Variants in ANKRD16 observed in about 807,000 individuals in gnomAD.
ANKRD16 encodes the protein ankyrin repeat domain-containing protein 16.
A neutral mutation model predicts 37.9 loss-of-function variants in ANKRD16; 35 were observed. The ratio of observed to expected loss-of-function variants is 0.92; its 90% confidence interval spans 0.71 to 1.23. The LOEUF is 1.23. Among genes scored for constraint, ANKRD16 ranks in the 50% most tolerant of loss-of-function variants. The pLI is 0.00. For synonymous variants in ANKRD16, 206 were observed against 197.2 expected (o/e 1.04, Z -0.37); for missense variants, 480 against 469.9 (o/e 1.02, Z -0.20).
chr10:5,889,006 A>G (rs749982735), intron 1 of ANKRD16, 35 bp downstream of exon 1: 64 of 1,484,832 alleles, frequency 4.3e-5, no homozygotes, highest in African/African-American at 5.7e-5. Flanking sequence ...CTGCGAGTAG[A>G]GGGGAGGCGG....
intron 5 of ANKRD16, among the ~76,000 whole-genome samples, chr10:5,881,688 GAT>G (rs1491124260): frequency 1.5e-5 from 1 of 68,286 alleles, no homozygotes; most frequent in Non-Finnish European, 2.6e-5. Flanking sequence ...GGATGGTCTT[GAT>G]TTTTTTTTTT....
chr10:5,867,550 A>G (rs1426709107), intron 7 of ANKRD16, among the ~76,000 whole-genome samples: 4 of 152,210 alleles, frequency 2.6e-5, no homozygotes, highest in Non-Finnish European at 4.4e-5. Flanking sequence ...TAAAATCCCA[A>G]ACTTATAAGG....
chr10:5,864,243 C>T lies in ANKRD16; in HGVS notation c.*34-1552G>A, dbSNP rs1417219694. Among the ~76,000 whole-genome samples the T allele has an allele frequency of 6.6e-6, 1 of 152,082 alleles. No individual in the cohort carries two copies. Among genetic ancestry groups the T allele is most frequent in the Non-Finnish European group, 1.5e-5 (1 of 68,036 alleles). ...TTCTCAGCTTACCCCCAGATCCTAG[C>T]CTCCCTATAGCCCCTTCCTATTAAT... is the stretch of plus-strand genomic sequence containing the variant. On this transcript the variant is annotated intron_variant, in intron 7 of 7. Coordinates refer to ENST00000380094, the MANE Select transcript of ANKRD16 (RefSeq NM_019046.3). This position sits in a 1 kb window ranked among gnomAD's most constrained non-coding sequence, Gnocchi z 4.4.
intron 5 of ANKRD16, chr10:5,881,182 T>A: frequency 1.6e-6 from 1 of 613,862 alleles, no homozygotes; most frequent in Non-Finnish European, 2.0e-6. Context: ...GACATTTAAT[T>A]ATTAGAATAT....
rs1842067751 is a variant in ANKRD16 at position 5,870,312 on chromosome 10, TG to T, written c.*34-7622del. Among the ~76,000 whole-genome samples the T allele has an allele frequency of 1.3e-5, 2 of 151,868 alleles. No homozygotes were observed. The highest frequency in any genetic ancestry group is 4.2e-4 in the South Asian group (2 of 4,816). ...AGGTCAGCTTCGCAGGGGCCCCCAG[TG>T]CACCCGCACAGTGAGGTCAGCGTTG... is the stretch of plus-strand genomic sequence containing the variant. On this transcript the variant is annotated intron_variant, in intron 7 of 7. Transcript: ENST00000380094. This position sits in a 1 kb window ranked among gnomAD's most constrained non-coding sequence, Gnocchi z 5.0.
rs55672822 is a variant in ANKRD16 at position 5,878,785 on chromosome 10, C to CAA, written c.929-500_929-499dup. On this transcript the variant is annotated intron_variant, in intron 6 of 7. Coordinates refer to ENST00000380094, the MANE Select transcript of ANKRD16 (RefSeq NM_019046.3). This position sits in a 1 kb window ranked among gnomAD's most constrained non-coding sequence, Gnocchi z 5.1. ...TGGGTGACAGAGCAAGACTCTGCCT[C>CAA]AAAAAAAAAAAAAAAAGAAAAAGAA... Among the ~76,000 whole-genome samples, 6 of 121,336 alleles carry CAA rather than the reference C, an allele frequency of 4.9e-5. No individual in the cohort carries two copies. Among genetic ancestry groups the CAA allele is most frequent in the Non-Finnish European group, 1.8e-5 (1 of 56,492 alleles). 79.6% of individuals were successfully genotyped at this position (121,336 alleles called of 152,430 possible). A position where few individuals can be genotyped will look rare whatever the true frequency, so the allele number is the denominator to read the frequency against.
Position 5,889,330 on chromosome 10 carries a change from G to A in ANKRD16, c.25C>T (p.Arg9Cys), listed in dbSNP as rs1049716724. The change falls in exon 1 of 8, where the codon CGC (arginine) becomes TGC (cysteine). Residue 9 changes from arginine (R) to cysteine (C), a missense_variant. Arg to Cys is a radical substitution (Grantham distance 180). Coordinates refer to ENST00000380094, the MANE Select transcript of ANKRD16 (RefSeq NM_019046.3). ...CCCTCCTGCACCAGCCTGCAGAGGC[G>A]CCGCGGGTCCCCGGGCTGGGCCATC... MAQPGDPR[R>C]LCRLVQEGRL... 6 of 1,260,634 alleles carry A rather than the reference G, an allele frequency of 4.8e-6. No homozygotes were observed. The highest frequency in any genetic ancestry group is 5.0e-6 in the Non-Finnish European group (5 of 1,006,158). 78.1% of individuals were successfully genotyped at this position (1,260,634 alleles called of 1,614,324 possible).
At chr10:5,884,193 G>A in intron 3 of ANKRD16, 116 bp from the exon 4 acceptor site, 1 of 710,198 alleles carries the variant, frequency 1.4e-6, no homozygotes, top group Non-Finnish European at 2.4e-6. Flanking sequence ...CTGTGAGCAT[G>A]GAGCTCTCTC....
rs1370363291 is a variant in ANKRD16 at position 5,862,362 on chromosome 10, T to G, written c.*363A>C. 2 of 441,876 alleles carry G rather than the reference T, an allele frequency of 4.5e-6. No homozygotes were observed. The highest frequency in any genetic ancestry group is 5.5e-5 in the Admixed American group (2 of 36,578). The allele number at this position is 441,876 out of a possible 1,614,324, so 27.4% of individuals were successfully genotyped here. On this transcript the variant is annotated 3_prime_UTR_variant, in exon 8 of 8. Transcript: ENST00000380094. The surrounding 1 kb of genome is among the most constrained non-coding windows in gnomAD (Gnocchi z 6.5). ...CGGTGGTTCCTGAGGGTTGTGACGA[T>G]CAGGGCAGAGGCAGAAGGCACCACC...
rs373806653 is a variant in ANKRD16, at chr10:5,887,927, A to T, written c.455T>A (p.Ile152Asn). 6.2e-7 allele frequency: 1 copy of T among 1,614,056 alleles called. No homozygotes were observed. Among genetic ancestry groups the T allele is most frequent in the African/African-American group, 1.3e-5 (1 of 74,916 alleles). Residue 152 changes from isoleucine (I) to asparagine (N), a missense_variant, in exon 2 of 8, where the codon ATC becomes AAC. By Grantham distance (149) the Ile-to-Asn change is moderately radical. Transcript: ENST00000380094. ...GCAAACAGTGAGCAGGTACTGGAGG[A>T]TCAGAGGGTCGCCTTCTCGACTGGC... Reference protein sequence around the residue: ...HIASREGDPLILQYLLTVCPG... With the variant: ...HIASREGDPLNLQYLLTVCPG...
Position 5,870,885 on chromosome 10 carries a change from C to T in ANKRD16, c.*33+7212G>A, listed in dbSNP as rs1235935973. 2.6e-5 allele frequency among the ~76,000 whole-genome samples: 4 copies of T among 152,090 alleles called. No homozygotes were observed. The highest frequency in any genetic ancestry group is 9.7e-5 in the African/African-American group (4 of 41,408). The stretch of plus-strand genomic sequence containing the variant: ...GCCAGAAGCTGCACAGAGCATGGGC[C>T]GATAAATGCATCCACTCCCCGTGCT... On this transcript the variant is annotated intron_variant, in intron 7 of 7. Coordinates refer to ENST00000380094, the MANE Select transcript of ANKRD16 (RefSeq NM_019046.3). The surrounding 1 kb of genome is among the most constrained non-coding windows in gnomAD (Gnocchi z 5.0).
In ANKRD16 at chr10:5,870,555, C is replaced by T. The variant is rs191711658; in HGVS notation, c.*33+7542G>A. Among the ~76,000 whole-genome samples, 6 of 152,266 alleles carry T rather than the reference C, an allele frequency of 3.9e-5. No individual in the cohort carries two copies. The East Asian group carries it at 5.8e-4, about 15-fold the overall frequency. On this transcript the variant is annotated intron_variant, in intron 7 of 7. Transcript: ENST00000380094. The surrounding 1 kb of genome is among the most constrained non-coding windows in gnomAD (Gnocchi z 5.0). ...GGTAGCTGGGACTACAGGCACACCACGCCCAGCTAATTTTTTGTATTTTTT... is the reference window on the plus strand; with the variant it reads ...GGTAGCTGGGACTACAGGCACACCATGCCCAGCTAATTTTTTGTATTTTTT...
rs1234548900 is a variant in ANKRD16 at position 5,862,982 on chromosome 10, A to AAG, written c.*34-292_*34-291insCT. Reference sequence around the variant, plus strand: ...GTTTGCCTGGAAAAGTCCCCATCTTAGTGAATTCTGACTTTCCACCTACTG... The same window carrying AAG: ...GTTTGCCTGGAAAAGTCCCCATCTTAAGGTGAATTCTGACTTTCCACCTACTG... On this transcript the variant is annotated intron_variant, in intron 7 of 7. Coordinates refer to ENST00000380094, the MANE Select transcript of ANKRD16 (RefSeq NM_019046.3). This position sits in a 1 kb window ranked among gnomAD's most constrained non-coding sequence, Gnocchi z 6.5. Among the ~76,000 whole-genome samples the AAG allele has an allele frequency of 1.3e-5, 2 of 152,134 alleles. No homozygotes were observed. The highest frequency in any genetic ancestry group is 4.8e-5 in the African/African-American group (2 of 41,400).
intron 5 of ANKRD16, among the ~76,000 whole-genome samples, chr10:5,881,438 T>TTATAAATA (rs1422263395): frequency 0.012 from 607 of 50,942 alleles, 39 homozygotes; most frequent in South Asian, 0.033. Flanking sequence ...AAAATATTAT[T>TTATAAATA]TATATATATA....
In ANKRD16 at chr10:5,882,987, G is replaced by T. The variant is rs559457916; in HGVS notation, c.849+19C>A. ...CAAGCCTCAGGGAAGCTCGGACAACGTTATAAGAAGTAACAAACCTTAGCT... is the reference window on the plus strand; with the variant it reads ...CAAGCCTCAGGGAAGCTCGGACAACTTTATAAGAAGTAACAAACCTTAGCT... On this transcript the variant is annotated intron_variant, in intron 5 of 7. Coordinates refer to ENST00000380094, the MANE Select transcript of ANKRD16 (RefSeq NM_019046.3). The T allele has an allele frequency of 6.2e-7, 1 of 1,610,410 alleles. No individual in the cohort carries two copies.
Position 5,878,142 on chromosome 10 carries a change from G to A in ANKRD16, c.1074C>T (p.Ser358=), listed in dbSNP as rs766038200. The A allele has an allele frequency of 1.2e-5, 20 of 1,613,816 alleles. No individual in the cohort carries two copies. Among genetic ancestry groups the A allele is most frequent in the Middle Eastern group, 1.6e-4 (1 of 6,084 alleles). The change falls in exon 7 of 8, where the codon AGC becomes AGT. Residue 358 remains serine (S), a synonymous_variant. Transcript: ENST00000380094. This position sits in a 1 kb window ranked among gnomAD's most constrained non-coding sequence, Gnocchi z 5.1. Reference sequence around the variant, plus strand: ...CTTGGAAACATCCTTATGTCATTGCGCTATGGCCAGAGCCCTGAAGGACAT... The same window carrying A: ...CTTGGAAACATCCTTATGTCATTGCACTATGGCCAGAGCCCTGAAGGACAT... ...RADVLQGSGH[S]AMT
chr10:5,874,770 TA>T lies in ANKRD16; in HGVS notation c.*33+3326del, dbSNP rs1842159357. ...AAGGGCTAGAGAGAGATCTGAGTGT[TA>T]CTGACATTAGGGTGTAGCTGAAACC... is the stretch of plus-strand genomic sequence containing the variant. On this transcript the variant is annotated intron_variant, in intron 7 of 7. Coordinates refer to ENST00000380094, the MANE Select transcript of ANKRD16 (RefSeq NM_019046.3). The surrounding 1 kb of genome is among the most constrained non-coding windows in gnomAD (Gnocchi z 4.7). Among the ~76,000 whole-genome samples the T allele has an allele frequency of 6.6e-6, 1 of 152,124 alleles. No individual in the cohort carries two copies. The highest frequency in any genetic ancestry group is 6.5e-5 in the Admixed American group (1 of 15,276).
chr10:5,880,175 T>TAAAAAAAAAAAAAAA (rs56264154), intron 6 of ANKRD16, 123 bp downstream of exon 6: 1 of 107,680 alleles, frequency 9.3e-6, no homozygotes, highest in Non-Finnish European at 1.5e-5. Flanking sequence ...CCACCACCAC[T>TAAAAAAAAAAAAAAA]AAAAAAAAAA....
At chr10:5,885,653 A>G in intron 3 of ANKRD16, 70 bp downstream of exon 3, 1 of 1,555,564 alleles carries the variant, frequency 6.4e-7, no homozygotes, top group Non-Finnish European at 8.9e-7. Flanking sequence ...TGAGCTCTTT[A>G]TGTAGCACTG....
Sources: allele counts gnomAD v4.1 joint callset (sites outside exome capture counted in the v4.1 genomes callset), GRCh38; gene constraint gnomAD v4.1.1; non-coding constraint Gnocchi (gnomAD v3.1); transcripts MANE v1.5; gene names NCBI Gene and HGNC (gene_info 2026-07-23, HGNC 2026-07-21).